The following FAM153A variants were observed in gnomAD, a reference collection of about 807,000 sequenced individuals.
The protein encoded by FAM153A is protein FAM153A.
In FAM153A, 12 loss-of-function variants were observed where a neutral mutation model predicts 48.1. The ratio of observed to expected loss-of-function variants is 0.25; its 90% confidence interval spans 0.16 to 0.40. FAM153A has a LOEUF of 0.40. Ranked by LOEUF, FAM153A falls within the 10% of genes least tolerant of loss-of-function variation. The pLI is 1.00. For missense variants in FAM153A, 111 were observed against 345.8 expected (o/e 0.32, Z 5.38); for synonymous variants, 36 against 118.2 (o/e 0.30, Z 4.51).
At chr5:177,760,504 G>A (rs1768224282) in intron 1 of FAM153A, among the ~76,000 whole-genome samples, 1 of 38,200 alleles carries the variant, frequency 2.6e-5, no homozygotes, top group South Asian at 8.5e-4. Flanking sequence ...CCAAAGTGTT[G>A]GTATTACAGG....
downstream of FAM153A, among the ~76,000 whole-genome samples, chr5:177,707,530 A>C (rs1757975460): frequency 6.6e-6 from 1 of 152,076 alleles, no homozygotes; most frequent in African/African-American, 2.4e-5. Flanking sequence ...CAATGAAAGA[A>C]ACATTTTCTG....
chr5:177,727,868 T>TG (rs1390271152), intron 18 of FAM153A, among the ~76,000 whole-genome samples: 1 of 59,734 alleles, frequency 1.7e-5, no homozygotes, highest in African/African-American at 7.9e-5. Flanking sequence ...CACTGATTAT[T>TG]GTCTGCTTTT....
chr5:177,760,235 C>CATTTTTTT (rs1768192153), intron 1 of FAM153A, among the ~76,000 whole-genome samples: 4 of 96,216 alleles, frequency 4.2e-5, no homozygotes, highest in African/African-American at 8.3e-5. Context: ...TGGGAAAGAC[C>CATTTTTTT]TTTTTTTTTT....
the FAM153A span, among the ~76,000 whole-genome samples, chr5:177,701,708 G>A: frequency 5.3e-5 from 8 of 151,846 alleles, no homozygotes; most frequent in Non-Finnish European, 1.2e-4. Context: ...TGTGGAAGCA[G>A]CTTTGGAACT....
intron 1 of FAM153A, chr5:177,753,155 G>T (rs1481049338): frequency 2.5e-6 from 4 of 1,607,132 alleles, no homozygotes; most frequent in Non-Finnish European, 3.4e-6. Context: ...GCAGTCAGAA[G>T]ATGGAAATGA....
At position 177,716,964 on chromosome 5, in the gene FAM153A, AGT is replaced by A. The variant is rs59312087; in HGVS notation, c.*1151+197_*1151+198del. ...CAGTAGCATGCCACCATTCCCGCTT[AGT>A]GTGTGTGTGTGTGTGTGTGTGTGTG... On this transcript the variant is annotated intron_variant and NMD_transcript_variant, in intron 24 of 26. Transcript: ENST00000360669. 3.6e-3 allele frequency among the ~76,000 whole-genome samples: 456 copies of A among 127,568 alleles called. 3 individuals are homozygous for A. The highest frequency in any genetic ancestry group is 0.016 in the Middle Eastern group (4 of 250). The allele number at this position is 127,568 out of a possible 152,430, so 83.7% of individuals were successfully genotyped here.
chr5:177,710,555 G>A (rs1049969863), downstream of FAM153A, among the ~76,000 whole-genome samples: 1 of 150,710 alleles, frequency 6.6e-6, no homozygotes, highest in East Asian at 1.9e-4. Context: ...TTCAAAATCT[G>A]GATTGCCAAC....
chr5:177,751,419 A>G (rs1766879105), intron 1 of FAM153A, among the ~76,000 whole-genome samples: 1 of 143,432 alleles, frequency 7.0e-6, no homozygotes, highest in Non-Finnish European at 1.5e-5. Context: ...AAAGGGTAAG[A>G]AGAGTTAAAT....
downstream of FAM153A, among the ~76,000 whole-genome samples, chr5:177,709,349 A>G (rs1309822881): frequency 8.1e-6 from 1 of 123,696 alleles, no homozygotes; most frequent in Non-Finnish European, 1.6e-5. Context: ...TTGCAATGTG[A>G]TGTAATTAGG....
At chr5:177,750,030 C>T (rs1165646726) in intron 2 of FAM153A, 2 of 148,574 alleles carry the variant, frequency 1.3e-5, no homozygotes, top group South Asian at 2.2e-4. Context: ...TAACCCTGTT[C>T]GATGAAACCA....
downstream of FAM153A, among the ~76,000 whole-genome samples, chr5:177,708,950 A>C (rs867829449): frequency 2.0e-5 from 3 of 149,736 alleles, no homozygotes; most frequent in Non-Finnish European, 3.0e-5. Context: ...AAAAAATTAG[A>C]CGGGAGTGGT....
chr5:177,737,468 C>G (rs547949107), intron 10 of FAM153A, among the ~76,000 whole-genome samples: 22 of 151,146 alleles, frequency 1.5e-4, no homozygotes, highest in Admixed American at 6.6e-4. Context: ...AGGTCATTTC[C>G]TCCCCAGGAT....
downstream of FAM153A, among the ~76,000 whole-genome samples, chr5:177,703,189 C>A (rs1229066962): frequency 2.6e-5 from 4 of 152,222 alleles, no homozygotes; most frequent in African/African-American, 9.7e-5. Flanking sequence ...GCCACAGGGG[C>A]AGAGTTGCCC....
At chr5:177,776,509 A>G in intron 1 of FAM153A, among the ~76,000 whole-genome samples, 1 of 66,012 alleles carries the variant, frequency 1.5e-5, no homozygotes. Context: ...ACTCCCATTC[A>G]CAATTGCTTC....
intron 6 of FAM153A, among the ~76,000 whole-genome samples, chr5:177,743,123 A>G (rs1474464841): frequency 6.7e-6 from 1 of 149,634 alleles, no homozygotes; most frequent in Non-Finnish European, 1.5e-5. Context: ...GCATACTCCA[A>G]GAAAAAACTC....
At chr5:177,725,960 T>C (rs1409497699) in intron 18 of FAM153A, among the ~76,000 whole-genome samples, 1 of 150,164 alleles carries the variant, frequency 6.7e-6, no homozygotes, top group African/African-American at 2.5e-5. Flanking sequence ...GGGTGAGGAG[T>C]GGAGGCCAAA....
chr5:177,781,891 T>G (rs1769711720), upstream of FAM153A, among the ~76,000 whole-genome samples: 1 of 89,994 alleles, frequency 1.1e-5, no homozygotes, highest in African/African-American at 4.1e-5. Flanking sequence ...GCTAATTTTT[T>G]TTTTTTTTTT....
Position 177,730,524 on chromosome 5 carries a change from T to C in FAM153A, c.863-969A>G. 1.8e-5 allele frequency among the ~76,000 whole-genome samples: 2 copies of C among 108,524 alleles called. 1 individual carries two copies. The highest frequency in any genetic ancestry group is 4.1e-5 in the Non-Finnish European group (2 of 48,976). 71.2% of individuals were successfully genotyped at this position (108,524 alleles called of 152,430 possible). ...GTGTGTTTGACATTAATGGTCACACTAAAGCCCACTGCGCAATGTACCTAC... is the reference window on the plus strand; with the variant it reads ...GTGTGTTTGACATTAATGGTCACACCAAAGCCCACTGCGCAATGTACCTAC... On this transcript the variant is annotated intron_variant, in intron 16 of 20. Transcript: ENST00000614127.
At chr5:177,705,664 T>C (rs865795334), downstream of FAM153A, among the ~76,000 whole-genome samples, 18,629 of 131,366 alleles carry the variant, frequency 0.14, 1,680 homozygotes, top group African/African-American at 0.26. Context: ...TTTTCTTTTT[T>C]TTTTTTTTTT....
Sources: allele counts gnomAD v4.1 joint callset (sites outside exome capture counted in the v4.1 genomes callset), GRCh38; gene constraint gnomAD v4.1.1; transcripts MANE v1.5; gene names NCBI Gene and HGNC (gene_info 2026-07-23, HGNC 2026-07-21).